ACSM2B: variants seen among roughly 807,000 people sequenced by gnomAD.
ACSM2B encodes the protein acyl-CoA synthetase medium chain family member 2B.
In ACSM2B, 58 loss-of-function variants were observed where a neutral mutation model predicts 78.6. The observed-to-expected ratio is 0.74, with a 90% CI of 0.60 to 0.92. The LOEUF (loss-of-function observed/expected upper bound fraction) is 0.92. Ranked by LOEUF, ACSM2B falls within the 40% of genes least tolerant of loss-of-function variation. The pLI is 0.00. For synonymous variants in ACSM2B, 257 were observed against 256.8 expected (o/e 1.00, Z -0.01); for missense variants, 688 against 711.2 (o/e 0.97, Z 0.37).
At position 20,548,120 on chromosome 16, in the gene ACSM2B, T is replaced by G; in HGVS notation, c.1040A>C (p.Glu347Ala). The change falls in exon 8 of 14, where the codon GAG becomes GCG. Residue 347 changes from glutamate to alanine, a missense_variant. Physicochemically the swap from Glu to Ala is moderately radical, Grantham distance 107. Transcript: ENST00000329697. ...GGESLLPETLENWRAQTGLDI... is the reference protein window; with the variant it reads ...GGESLLPETLANWRAQTGLDI... ...CAGTCCTGTCTGGGCCCTCCAGTTCTCCAGAGTTTCTGGAAGAAGGGACTC... is the reference window on the plus strand; with the variant it reads ...CAGTCCTGTCTGGGCCCTCCAGTTCGCCAGAGTTTCTGGAAGAAGGGACTC... 6.2e-7 allele frequency: 1 copy of G among 1,614,088 alleles called. No homozygotes were observed. The highest frequency in any genetic ancestry group is 8.5e-7 in the Non-Finnish European group (1 of 1,179,936).
intron 1 of ACSM2B, among the ~76,000 whole-genome samples, chr16:20,565,568 CT>C (rs1296948857): frequency 2.0e-5 from 3 of 152,108 alleles, no homozygotes; most frequent in Admixed American, 6.6e-5. Flanking sequence ...AAGTAGCATC[CT>C]TTTCTTTAAA....
intron 1 of ACSM2B, among the ~76,000 whole-genome samples, chr16:20,566,750 C>CAGTATATATAG (rs2015897679): frequency 2.4e-5 from 1 of 42,442 alleles, no homozygotes; most frequent in Admixed American, 3.5e-4. Flanking sequence ...ACTATATATA[C>CAGTATATATAG]TATATATAGT....
At chr16:20,575,360 A>ATG (rs942235017) in intron 1 of ACSM2B, 3 of 151,712 alleles carry the variant, frequency 2.0e-5, no homozygotes, top group Non-Finnish European at 2.9e-5. Context: ...TAACATATGT[A>ATG]TGTGTGTATA....
At chr16:20,575,709 A>G (rs2152157373) in intron 1 of ACSM2B, 1 of 146,892 alleles carries the variant, frequency 6.8e-6, no homozygotes, top group African/African-American at 2.4e-5. Flanking sequence ...ACCCTCACAG[A>G]CACACCCAGG....
At chr16:20,575,627 G>A (rs1355136940) in intron 1 of ACSM2B, 1 of 150,480 alleles carries the variant, frequency 6.6e-6, no homozygotes, top group Non-Finnish European at 1.5e-5. Context: ...GGATTAGGTG[G>A]TGCCTACCCA....
chr16:20,554,370 T>G (rs1429410218), intron 4 of ACSM2B, among the ~76,000 whole-genome samples: 2 of 152,180 alleles, frequency 1.3e-5, no homozygotes, highest in Non-Finnish European at 2.9e-5. Flanking sequence ...TGGCACTCTC[T>G]TCTATTCCCT....
chr16:20,566,172 C>T lies in ACSM2B; in HGVS notation c.-8-1319G>A, dbSNP rs138239088. On this transcript the variant is annotated intron_variant, in intron 1 of 13. Coordinates refer to ENST00000329697, the MANE Select transcript of ACSM2B (RefSeq NM_001105069.2). ...ATATAATATATATATATGTAATAAA[C>T]GTCACACTCCTGTGCCTTTCTTCCT... 7.3e-3 allele frequency among the ~76,000 whole-genome samples: 991 copies of T among 136,226 alleles called. 24 individuals are homozygous for T. The highest frequency in any genetic ancestry group is 0.026 in the African/African-American group (970 of 37,112). 89.4% of individuals were successfully genotyped at this position (136,226 alleles called of 152,430 possible). A position where few individuals can be genotyped will look rare whatever the true frequency, so the allele number is the denominator to read the frequency against.
At chr16:20,566,717 A>ATACTATATATACTATATATAATATATACT (rs1567218502) in intron 1 of ACSM2B, among the ~76,000 whole-genome samples, 19 of 6,864 alleles carry the variant, frequency 2.8e-3, no homozygotes, top group Admixed American at 5.8e-3. Flanking sequence ...TAGTATATAT[A>ATACTATATATACTATATATAATATATACT]GTATATACTA....
At chr16:20,549,619 G>C in intron 6 of ACSM2B, 1 of 282,236 alleles carries the variant, frequency 3.5e-6, no homozygotes, top group Non-Finnish European at 7.0e-6. Context: ...TAAAATATTT[G>C]AAGAGATTTA....
At chr16:20,554,418 T>C (rs1449968274) in intron 4 of ACSM2B, among the ~76,000 whole-genome samples, 2 of 152,196 alleles carry the variant, frequency 1.3e-5, no homozygotes, top group African/African-American at 2.4e-5. Context: ...CTCCAGTGTC[T>C]TGATTTTGAA....
At chr16:20,546,809 C>T in intron 8 of ACSM2B, 1 of 230,636 alleles carries the variant, frequency 4.3e-6, no homozygotes, top group Non-Finnish European at 8.1e-6. Context: ...CACCAATATG[C>T]AATCTGTAAG....
intron 10 of ACSM2B, among the ~76,000 whole-genome samples, chr16:20,543,602 G>A (rs568543312): frequency 5.3e-5 from 8 of 152,236 alleles, no homozygotes; most frequent in East Asian, 3.9e-4. Flanking sequence ...TCACTCCATA[G>A]CACCACTCAA....
chr16:20,573,217 G>T (rs1383196936), intron 1 of ACSM2B, among the ~76,000 whole-genome samples: 4 of 151,638 alleles, frequency 2.6e-5, no homozygotes, highest in African/African-American at 9.7e-5. Context: ...GAAGATCTGG[G>T]GCTCAAGGCT....
chr16:20,545,864 AAAC>A (rs1425041005), intron 9 of ACSM2B, among the ~76,000 whole-genome samples: 7 of 152,218 alleles, frequency 4.6e-5, no homozygotes, highest in African/African-American at 1.2e-4. Context: ...AGTTCTCAAA[AAAC>A]AACAAGAGAA....
chr16:20,548,413 G>A lies in ACSM2B; in HGVS notation c.955C>T (p.Leu319=). The change falls in exon 7 of 14, where the codon CTA becomes TTA. Residue 319 remains leucine (L), a synonymous_variant. Transcript: ENST00000329697. ...MGAPIVYRML[L]QQDLSSYKFP... is the part of the protein sequence containing the mutation. ...CATCACCTGGAAAGATCCTGCTGTA[G>A]CAACATCCGGTAAACAATAGGGGCA... The A allele has an allele frequency of 6.2e-7, 1 of 1,613,640 alleles. No homozygotes were observed. The highest frequency in any genetic ancestry group is 8.5e-7 in the Non-Finnish European group (1 of 1,179,722).
At chr16:20,543,737 C>G (rs2015063828) in intron 10 of ACSM2B, among the ~76,000 whole-genome samples, 1 of 152,120 alleles carries the variant, frequency 6.6e-6, no homozygotes, top group African/African-American at 2.4e-5. Flanking sequence ...CTGGGTCCCT[C>G]TATTCAGCTG....
At chr16:20,566,284 T>TATAC (rs2015836957) in intron 1 of ACSM2B, among the ~76,000 whole-genome samples, 1 of 110,656 alleles carries the variant, frequency 9.0e-6, no homozygotes, top group Non-Finnish European at 1.9e-5. Context: ...TATATATATA[T>TATAC]AGACAGATAT....
At chr16:20,549,796 G>T (rs1313230087) in intron 6 of ACSM2B, 1 of 449,972 alleles carries the variant, frequency 2.2e-6, no homozygotes, top group Non-Finnish European at 4.4e-6. Flanking sequence ...CAGAAAGGTG[G>T]GGCAACTTGA....
chr16:20,549,946 A>G (rs2015254304), intron 6 of ACSM2B: 1 of 342,798 alleles, frequency 2.9e-6, no homozygotes, highest in Non-Finnish European at 5.6e-6. Context: ...TCTTATTTGC[A>G]CAGGAAGCTT....
Sources: gnomAD v4.1 joint callset for allele counts (sites outside exome capture counted in the v4.1 genomes callset) on GRCh38, gnomAD v4.1.1 for gene constraint, MANE v1.5 for transcripts, NCBI Gene and HGNC (gene_info 2026-07-23, HGNC 2026-07-21) for gene names.